DZIP1: variants seen among roughly 807,000 people sequenced by gnomAD.
The protein encoded by DZIP1 is DAZ interacting zinc finger protein 1.
In DZIP1, 97 loss-of-function variants were observed where a neutral mutation model predicts 107.6. The ratio of observed to expected loss-of-function variants is 0.90; its 90% CI spans 0.77 to 1.07. DZIP1 has a LOEUF of 1.07. Ranked by LOEUF, DZIP1 falls within the 50% of genes least tolerant of loss-of-function variation. The pLI is 0.00. For synonymous variants in DZIP1, 390 were observed against 386.4 expected, an observed-to-expected ratio of 1.01 and a Z score of -0.11; for missense variants, 1,035 against 1,063.6, an observed-to-expected ratio of 0.97 and a Z score of 0.37.
intron 12 of DZIP1, among the ~76,000 whole-genome samples, chr13:95,610,378 A>G (rs1566390941): frequency 1.3e-5 from 2 of 151,662 alleles, no homozygotes; most frequent in South Asian, 4.2e-4. Flanking sequence ...TGGTGCAATC[A>G]TAGCTCACTG....
chr13:95,615,095 G>C (rs979747833), intron 10 of DZIP1, among the ~76,000 whole-genome samples: 5 of 152,166 alleles, frequency 3.3e-5, no homozygotes, highest in Non-Finnish European at 7.3e-5. Flanking sequence ...GTGCAGCCTA[G>C]TGGTGGCACA....
At chr13:95,593,845 G>C in intron 16 of DZIP1, 99 bp downstream of exon 16, 1 of 1,408,076 alleles carries the variant, frequency 7.1e-7, no homozygotes. Context: ...TCCAAACATG[G>C]ACAGAATTGA....
At chr13:95,633,790 C>T (rs1037283271) in intron 5 of DZIP1, among the ~76,000 whole-genome samples, 13 of 151,082 alleles carry the variant, frequency 8.6e-5, no homozygotes, top group African/African-American at 2.9e-4. Flanking sequence ...GACTAATAGA[C>T]GAGACATGAA....
intron 15 of DZIP1, among the ~76,000 whole-genome samples, chr13:95,598,035 C>G (rs999616914): frequency 6.6e-6 from 1 of 152,182 alleles, no homozygotes; most frequent in East Asian, 1.9e-4. Context: ...GCTGAGGACC[C>G]CATAAGAAGG....
chr13:95,627,795 G>C (rs1224496180), intron 7 of DZIP1, among the ~76,000 whole-genome samples: 3 of 152,078 alleles, frequency 2.0e-5, no homozygotes, highest in African/African-American at 7.2e-5. Context: ...ATATAATCAA[G>C]AAAAATGAAA....
chr13:95,637,996 A>C (rs1338905706), intron 5 of DZIP1, among the ~76,000 whole-genome samples: 2 of 152,148 alleles, frequency 1.3e-5, no homozygotes, highest in African/African-American at 4.8e-5. Context: ...GAATCGAGGA[A>C]GGGAAAATTA....
At chr13:95,635,631 A>G (rs535559760) in intron 5 of DZIP1, among the ~76,000 whole-genome samples, 72 of 152,270 alleles carry the variant, frequency 4.7e-4, no homozygotes, top group African/African-American at 1.7e-3. Flanking sequence ...TGTAAGTCAT[A>G]TAGGCTCTCG....
chr13:95,612,452 G>C (rs1168207248), intron 10 of DZIP1, among the ~76,000 whole-genome samples: 1 of 152,184 alleles, frequency 6.6e-6, no homozygotes, highest in Non-Finnish European at 1.5e-5. Flanking sequence ...AATAACACAT[G>C]ATGAGCAACG....
intron 20 of DZIP1, among the ~76,000 whole-genome samples, chr13:95,586,543 T>A (rs928123967): frequency 6.6e-6 from 1 of 152,034 alleles, no homozygotes; most frequent in Non-Finnish European, 1.5e-5. Context: ...CTCATTCAAG[T>A]GTGTGGTCAG....
intron 7 of DZIP1, among the ~76,000 whole-genome samples, chr13:95,625,171 C>A (rs1408255224): frequency 6.6e-6 from 1 of 152,182 alleles, no homozygotes; most frequent in Non-Finnish European, 1.5e-5. Context: ...CGCCCAAAGC[C>A]TCCAGCTTTT....
intron 5 of DZIP1, among the ~76,000 whole-genome samples, chr13:95,639,590 CAA>C (rs34000481): frequency 0.016 from 1,336 of 85,554 alleles, 12 homozygotes; most frequent in African/African-American, 0.057. Flanking sequence ...GACTCCATCT[CAA>C]AAAAAAAAAA....
intron 15 of DZIP1, among the ~76,000 whole-genome samples, chr13:95,595,896 C>T (rs1293615413): frequency 6.6e-6 from 1 of 152,130 alleles, no homozygotes; most frequent in Admixed American, 6.5e-5. Context: ...GCTGTAAAGC[C>T]TTTGCCGTTA....
chr13:95,587,403 C>T lies in DZIP1; in HGVS notation c.2218+136G>A, dbSNP rs548638528. On this transcript the variant is annotated intron_variant, in intron 20 of 22. Transcript: ENST00000376829. ...AATGTGCTAAACCCTGCCCATTTTC[C>T]GTGGGTGCCTTTGGGATCCGCTGCA... 4 of 1,168,410 alleles carry T rather than the reference C, an allele frequency of 3.4e-6. No individual in the cohort carries two copies. The African/African-American group carries it at 4.6e-5, about 13-fold the overall frequency. 72.4% of individuals were successfully genotyped at this position (1,168,410 alleles called of 1,614,324 possible). A position where few individuals can be genotyped will look rare whatever the true frequency, so the allele number is the denominator to read the frequency against.
chr13:95,620,009 G>A, intron 9 of DZIP1, 62 bp from the exon 10 acceptor site: 3 of 1,568,068 alleles, frequency 1.9e-6, no homozygotes, highest in East Asian at 2.2e-5. Context: ...TGCAATATGG[G>A]AGCTTCCTTT....
chr13:95,589,024 G>A, intron 19 of DZIP1, 130 bp downstream of exon 19: 1 of 807,306 alleles, frequency 1.2e-6, no homozygotes, highest in Non-Finnish European at 2.0e-6. Flanking sequence ...ATATCACAAA[G>A]GAATGACAAA....
chr13:95,598,606 A>G (rs1013644244), intron 15 of DZIP1, among the ~76,000 whole-genome samples: 3 of 152,130 alleles, frequency 2.0e-5, no homozygotes, highest in African/African-American at 4.8e-5. Context: ...CAGAACCCAT[A>G]TAAGTATTGA....
At chr13:95,603,712 G>A (rs1566380100) in intron 14 of DZIP1, among the ~76,000 whole-genome samples, 1 of 152,196 alleles carries the variant, frequency 6.6e-6, no homozygotes, top group Non-Finnish European at 1.5e-5. Flanking sequence ...GAAAAAAAAT[G>A]CATACTGGGG....
intron 6 of DZIP1, among the ~76,000 whole-genome samples, chr13:95,631,655 G>T (rs1877210620): frequency 6.6e-6 from 1 of 151,914 alleles, no homozygotes; most frequent in South Asian, 2.1e-4. Context: ...TCTTCATTTT[G>T]CATACCATCT....
intron 21 of DZIP1, among the ~76,000 whole-genome samples, chr13:95,585,272 A>G (rs981570537): frequency 2.6e-4 from 39 of 152,186 alleles, no homozygotes; most frequent in Non-Finnish European, 4.9e-4. Flanking sequence ...GATAATAATG[A>G]CATCTAACTG....
Sources: gnomAD v4.1 joint callset for allele counts (sites outside exome capture counted in the v4.1 genomes callset) on GRCh38, gnomAD v4.1.1 for gene constraint, MANE v1.5 for transcripts, NCBI Gene and HGNC (gene_info 2026-07-23, HGNC 2026-07-21) for gene names.